Variants in DOCK4 observed in about 807,000 individuals in gnomAD.
DOCK4 encodes the protein dedicator of cytokinesis protein 4.
In DOCK4, 97 loss-of-function variants were observed where a neutral mutation model predicts 268.1. That is an observed-to-expected ratio of 0.36 (90% CI 0.31 to 0.43). The LOEUF (loss-of-function observed/expected upper bound fraction) is 0.43. Ranked by LOEUF, DOCK4 falls within the 20% of genes least tolerant of loss-of-function variation. The pLI, the probability that DOCK4 is intolerant of heterozygous loss-of-function variation, is 1.00. For synonymous variants in DOCK4, 954 were observed against 887.2 expected, an observed-to-expected ratio of 1.08 and a Z score of -1.34; for missense variants, 2,145 against 2,455.7, an observed-to-expected ratio of 0.87 and a Z score of 2.67.
chr7:112,063,051 G>C (rs753572302), intron 1 of DOCK4, among the ~76,000 whole-genome samples: 3 of 152,194 alleles, frequency 2.0e-5, no homozygotes, highest in Non-Finnish European at 4.4e-5. Flanking sequence ...CCCAAAAAGA[G>C]AGAGAAGTTA....
In DOCK4 at chr7:111,823,396, C is replaced by CG. The variant is rs890869708; in HGVS notation, c.2836-941dup. 4.6e-5 allele frequency among the ~76,000 whole-genome samples: 7 copies of CG among 151,594 alleles called. No individual in the cohort carries two copies. In the East Asian group the frequency reaches 1.2e-3, roughly 25 times the overall value. On this transcript the variant is annotated intron_variant, in intron 26 of 52. Coordinates refer to ENST00000428084, the MANE Select transcript of DOCK4 (RefSeq NM_001363540.2). ...TAATTTTTTGTATTTTTAGTAGAGA[C>CG]GGGGTTTCACCATGTTGACCAGGCT...
intron 1 of DOCK4, among the ~76,000 whole-genome samples, chr7:112,083,463 G>T (rs536843955): frequency 2.6e-5 from 4 of 152,058 alleles, no homozygotes; most frequent in Non-Finnish European, 5.9e-5. Context: ...TTTCCTAGAA[G>T]TTTTTATCTT....
intron 1 of DOCK4, among the ~76,000 whole-genome samples, chr7:112,083,328 G>C (rs1184508818): frequency 1.3e-5 from 2 of 152,010 alleles, no homozygotes; most frequent in Admixed American, 1.3e-4. Context: ...AAAGTACCTA[G>C]AGATTAGGTA....
chr7:112,145,337 T>TA (rs1240167121), intron 1 of DOCK4, among the ~76,000 whole-genome samples: 2 of 152,172 alleles, frequency 1.3e-5, no homozygotes, highest in Non-Finnish European at 1.5e-5. Flanking sequence ...CTCCAGACCC[T>TA]AAAATCTCTC....
At chr7:111,863,921 A>G (rs1805763355) in intron 22 of DOCK4, among the ~76,000 whole-genome samples, 2 of 152,194 alleles carry the variant, frequency 1.3e-5, no homozygotes, top group South Asian at 4.1e-4. Flanking sequence ...TTCCTTTTGG[A>G]AGAAGCTTTC....
intron 23 of DOCK4, among the ~76,000 whole-genome samples, chr7:111,859,629 G>A (rs373081912): frequency 6.8e-6 from 1 of 147,498 alleles, no homozygotes; most frequent in Admixed American, 6.8e-5. Context: ...GTGCAGTGGC[G>A]GGATCTCGGC....
chr7:111,736,057 G>A lies in DOCK4; in HGVS notation c.5305+860C>T, dbSNP rs530940961. ...ACTGACAAAGATGAACATGTGACTT[G>A]TAACATTAAAGCTAAATTTGTGTTT... On this transcript the variant is annotated intron_variant, in intron 50 of 52. Coordinates refer to ENST00000428084, the MANE Select transcript of DOCK4 (RefSeq NM_001363540.2). Among the ~76,000 whole-genome samples, 9 of 152,312 alleles carry A rather than the reference G, an allele frequency of 5.9e-5. No homozygotes were observed. The South Asian group carries it at 1.2e-3, about 21-fold the overall frequency.
chr7:112,094,751 C>T (rs980265725), intron 1 of DOCK4, among the ~76,000 whole-genome samples: 1 of 152,218 alleles, frequency 6.6e-6, no homozygotes, highest in East Asian at 1.9e-4. Context: ...GAGGTGGGGC[C>T]TGGTGGTAGT....
At chr7:111,809,507 T>C (rs1409305152) in intron 28 of DOCK4, 106 bp from the exon 29 acceptor site, 2 of 894,564 alleles carry the variant, frequency 2.2e-6, no homozygotes, top group African/African-American at 1.7e-5. Context: ...AGGGTATAGT[T>C]GAAGTAAGAC....
At chr7:111,942,773 C>A (rs1795312556) in intron 10 of DOCK4, among the ~76,000 whole-genome samples, 1 of 152,190 alleles carries the variant, frequency 6.6e-6, no homozygotes, top group Admixed American at 6.5e-5. Context: ...GACTGTGCGT[C>A]CAACCCTAGC....
rs187728691 is a variant in DOCK4, at chr7:112,000,632, T to C, written c.122-98A>G. The C allele has an allele frequency of 4.9e-4, 448 of 908,092 alleles. 4 individuals carry two copies. In the African/African-American group the frequency reaches 6.5e-3, roughly 13 times the overall value. The allele number at this position is 908,092 out of a possible 1,614,324, so 56.3% of individuals were successfully genotyped here. A position where few individuals can be genotyped will look rare whatever the true frequency, so the allele number is the denominator to read the frequency against. On this transcript the variant is annotated intron_variant, in intron 2 of 52. Transcript: ENST00000428084. The stretch of plus-strand genomic sequence containing the variant: ...GTTCTTTGCCGATGGAATTTTACCA[T>C]ACATGAAAAGATTCTATGGATAAAT...
At chr7:111,924,698 T>C (rs1417734923) in intron 12 of DOCK4, among the ~76,000 whole-genome samples, 1 of 152,198 alleles carries the variant, frequency 6.6e-6, no homozygotes, top group Non-Finnish European at 1.5e-5. Context: ...GTGGGAGGAT[T>C]GCTTAAGGCC....
chr7:111,902,424 C>A (rs2134426919), intron 13 of DOCK4, among the ~76,000 whole-genome samples: 1 of 152,262 alleles, frequency 6.6e-6, no homozygotes, highest in South Asian at 2.1e-4. Flanking sequence ...TAGACACATT[C>A]TATGTACATA....
At chr7:111,905,852 T>C (rs902448710) in intron 13 of DOCK4, among the ~76,000 whole-genome samples, 4 of 152,188 alleles carry the variant, frequency 2.6e-5, no homozygotes, top group Non-Finnish European at 4.4e-5. Flanking sequence ...CTGTTGATGA[T>C]GTTGTTAATG....
chr7:111,872,217 C>T, intron 19 of DOCK4, 52 bp downstream of exon 19: 2 of 1,419,064 alleles, frequency 1.4e-6, no homozygotes, highest in Non-Finnish European at 1.9e-6. Context: ...TCATGAAAGT[C>T]AAGATTGAGA....
intron 11 of DOCK4, 77 bp from the exon 12 acceptor site, chr7:111,935,705 T>C: frequency 2.3e-6 from 3 of 1,287,802 alleles, no homozygotes; most frequent in South Asian, 2.5e-5. Flanking sequence ...ACATCTGCCC[T>C]TTTCGTTATA....
chr7:111,874,535 C>T (rs1284613688), intron 17 of DOCK4, among the ~76,000 whole-genome samples: 1 of 152,182 alleles, frequency 6.6e-6, no homozygotes, highest in Non-Finnish European at 1.5e-5. Context: ...TGTAATTAAT[C>T]ATGTATGCAA....
intron 6 of DOCK4, among the ~76,000 whole-genome samples, chr7:111,987,948 G>C (rs1799180387): frequency 1.3e-5 from 2 of 152,216 alleles, no homozygotes. Flanking sequence ...GAGTGAGATG[G>C]AGGTTTAAAA....
chr7:111,973,059 T>C (rs1797851677), intron 8 of DOCK4, among the ~76,000 whole-genome samples: 1 of 151,112 alleles, frequency 6.6e-6, no homozygotes, highest in Non-Finnish European at 1.5e-5. Flanking sequence ...TTTCCATTCC[T>C]GAGTTTCTTC....
Sources: allele counts gnomAD v4.1 joint callset (sites outside exome capture counted in the v4.1 genomes callset), GRCh38; gene constraint gnomAD v4.1.1; transcripts MANE v1.5; gene names NCBI Gene and HGNC (gene_info 2026-07-23, HGNC 2026-07-21).